Variants in DNAH14 observed in about 807,000 individuals in gnomAD.
DNAH14 encodes the protein axonemal beta dynein heavy chain 14.
Under a neutral mutation model 520.9 loss-of-function variants are expected in DNAH14, and 478 were observed. The observed-to-expected ratio is 0.92, with a 90% CI of 0.85 to 0.99. The LOEUF is 0.99. Among genes scored for constraint, DNAH14 ranks in the 50% least tolerant of loss-of-function variants. The pLI is 0.00. For missense variants in DNAH14, 4,831 were observed against 5,234.5 expected, an observed-to-expected ratio of 0.92 and a Z score of 2.38; for synonymous variants, 1,581 against 1,757.2, an observed-to-expected ratio of 0.90 and a Z score of 2.51.
chr1:225,122,277 T>G (rs2077361561), intron 26 of DNAH14, among the ~76,000 whole-genome samples: 1 of 152,200 alleles, frequency 6.6e-6, no homozygotes, highest in Admixed American at 6.5e-5. Flanking sequence ...TGAGTCCCTC[T>G]TCTAAAAGCA....
chr1:224,982,431 T>C (rs1308478097), intron 8 of DNAH14, among the ~76,000 whole-genome samples: 1 of 152,134 alleles, frequency 6.6e-6, no homozygotes, highest in Non-Finnish European at 1.5e-5. Context: ...GTGCCACGTG[T>C]GAGGAAAAAT....
intron 36 of DNAH14, among the ~76,000 whole-genome samples, chr1:225,183,601 A>G (rs1440882466): frequency 1.3e-5 from 2 of 152,104 alleles, no homozygotes; most frequent in African/African-American, 2.4e-5. Flanking sequence ...TTGAGACCCA[A>G]AAATCTATAC....
At chr1:225,385,173 C>T (rs2095825891) in intron 81 of DNAH14, among the ~76,000 whole-genome samples, 1 of 152,152 alleles carries the variant, frequency 6.6e-6, no homozygotes, top group Non-Finnish European at 1.5e-5. Flanking sequence ...CGACAAAATT[C>T]AACAACCCTT....
intron 66 of DNAH14, among the ~76,000 whole-genome samples, chr1:225,335,878 C>CATGTATGT (rs1558438386): frequency 7.3e-5 from 2 of 27,344 alleles, no homozygotes; most frequent in Admixed American, 3.9e-4. Flanking sequence ...TACACATATA[C>CATGTATGT]ATATATGTAC....
At chr1:225,227,221 A>G (rs192410573) in intron 41 of DNAH14, among the ~76,000 whole-genome samples, 26 of 152,232 alleles carry the variant, frequency 1.7e-4, no homozygotes, top group African/African-American at 6.0e-4. Flanking sequence ...ATGAGGCCAT[A>G]TCTCAGGCTG....
At position 225,031,552 on chromosome 1, in the gene DNAH14, G is replaced by A. The variant is rs186078245; in HGVS notation, c.1359-7142G>A. Among the ~76,000 whole-genome samples, 182 of 151,898 alleles carry A rather than the reference G, an allele frequency of 1.2e-3. 2 individuals carry two copies. Among genetic ancestry groups the A allele is most frequent in the Middle Eastern group, 6.8e-3 (2 of 294 alleles). On this transcript the variant is annotated intron_variant, in intron 11 of 85. Coordinates refer to ENST00000682510, the MANE Select transcript of DNAH14 (RefSeq NM_001367479.1). ...GAGTAACCACTAAAAGATAGTGATA[G>A]GATGTCTAAAAAGCTAAAAGAAGGA...
rs150373970 is a variant in DNAH14 at position 225,012,436 on chromosome 1, G to A, written c.1107+4892G>A. ...TCTGATGATTATATGTCTTGGGGTT[G>A]CTCTTCTCGAGGAGTATCTCTGTGG... On this transcript the variant is annotated intron_variant, in intron 10 of 85. Coordinates refer to ENST00000682510, the MANE Select transcript of DNAH14 (RefSeq NM_001367479.1). 8.2e-3 allele frequency among the ~76,000 whole-genome samples: 1,245 copies of A among 151,886 alleles called. 8 individuals carry two copies. Among genetic ancestry groups the A allele is most frequent in the South Asian group, 0.028 (134 of 4,782 alleles).
At chr1:225,364,136 G>T (rs2095525390) in intron 75 of DNAH14, among the ~76,000 whole-genome samples, 1 of 152,118 alleles carries the variant, frequency 6.6e-6, no homozygotes, top group African/African-American at 2.4e-5. Context: ...ATATCAAGAG[G>T]CCTGTGATAT....
chr1:225,087,035 C>CAG (rs1553437792), intron 21 of DNAH14, among the ~76,000 whole-genome samples: 36 of 150,328 alleles, frequency 2.4e-4, no homozygotes, highest in African/African-American at 6.6e-4. Context: ...CACACACACA[C>CAG]AGCCTTCTAC....
intron 77 of DNAH14, among the ~76,000 whole-genome samples, chr1:225,369,209 AAAT>A (rs1446525887): frequency 6.6e-6 from 1 of 152,168 alleles, no homozygotes; most frequent in African/African-American, 2.4e-5. Flanking sequence ...AAAGCAAAAT[AAAT>A]AATAACGTAA....
chr1:225,271,272 G>A (rs768574505), intron 50 of DNAH14, among the ~76,000 whole-genome samples: 4 of 152,078 alleles, frequency 2.6e-5, no homozygotes, highest in Non-Finnish European at 4.4e-5. Context: ...TGGCATACAG[G>A]TAGACTTTCT....
chr1:225,303,211 T>A lies in DNAH14; in HGVS notation c.8687T>A (p.Phe2896Tyr). Residue 2896 changes from phenylalanine to tyrosine, a missense_variant, in exon 57 of 86, where the codon TTC becomes TAC. Transcript: ENST00000682510. ...FVIMSPEGPS[F>Y]RQNCRVYPSM... ...ATCATGAGTCCTGAAGGACCTAGCT[T>A]CCGCCAAAATTGTAGAGTGTATCCT... The A allele has an allele frequency of 1.3e-6, 2 of 1,542,048 alleles. No individual in the cohort carries two copies. The highest frequency in any genetic ancestry group is 1.7e-6 in the Non-Finnish European group (2 of 1,143,512).
At chr1:225,246,360 A>G (rs1461661735) in intron 43 of DNAH14, among the ~76,000 whole-genome samples, 1 of 152,204 alleles carries the variant, frequency 6.6e-6, no homozygotes, top group Non-Finnish European at 1.5e-5. Context: ...AGTTGCAACA[A>G]AAGCCAAATT....
chr1:225,278,131 C>T (rs2093536672), intron 54 of DNAH14, among the ~76,000 whole-genome samples: 1 of 139,048 alleles, frequency 7.2e-6, no homozygotes, highest in African/African-American at 3.4e-5. Flanking sequence ...AAATAAAACA[C>T]AAGTTTTATT....
At chr1:225,290,542 A>G (rs1054749515) in intron 55 of DNAH14, among the ~76,000 whole-genome samples, 4 of 147,554 alleles carry the variant, frequency 2.7e-5, no homozygotes, top group Non-Finnish European at 4.5e-5. Context: ...CTCTATTTTC[A>G]CTGTCAGATG....
In DNAH14 at chr1:225,272,088, T is replaced by C; in HGVS notation, c.7839+15T>C. On this transcript the variant is annotated intron_variant, in intron 51 of 85. Coordinates refer to ENST00000682510, the MANE Select transcript of DNAH14 (RefSeq NM_001367479.1). Reference sequence around the variant, plus strand: ...ATATGTTTAAGGTTTGTTTTAATGTTCATTCTCTAGTTTATTTTTTAAATA... The same window carrying C: ...ATATGTTTAAGGTTTGTTTTAATGTCCATTCTCTAGTTTATTTTTTAAATA... 2 of 1,539,092 alleles carry C rather than the reference T, an allele frequency of 1.3e-6. No individual in the cohort carries two copies. Among genetic ancestry groups the C allele is most frequent in the Non-Finnish European group, 1.8e-6 (2 of 1,140,916 alleles).
rs2094742276 is a variant in DNAH14, at chr1:225,329,202, T to G, written c.9724-2235T>G. 5.3e-5 allele frequency among the ~76,000 whole-genome samples: 8 copies of G among 151,500 alleles called. No homozygotes were observed. The South Asian group carries it at 1.7e-3, about 32-fold the overall frequency. On this transcript the variant is annotated intron_variant, in intron 64 of 85. Coordinates refer to ENST00000682510, the MANE Select transcript of DNAH14 (RefSeq NM_001367479.1). ...AACATCAGTGTAGATTTGACAAGGC[T>G]GAGACTTCATGACAGCTGGAAGTTG...
In DNAH14 at chr1:225,079,213, G is replaced by A; in HGVS notation, c.2431G>A (p.Glu811Lys). The change falls in exon 18 of 86, where the codon GAA becomes AAA. Residue 811 changes from glutamate to lysine, a missense_variant. Physicochemically the swap from Glu to Lys is moderately conservative, Grantham distance 56. Transcript: ENST00000682510. ...KKNKNLLEVV[E>K]SSLQQLECDP... Reference sequence around the variant, plus strand: ...ATTGACATGTTGATTTCAGGTTGTGGAATCATCATTGCAGCAGCTGGAATG... The same window carrying A: ...ATTGACATGTTGATTTCAGGTTGTGAAATCATCATTGCAGCAGCTGGAATG... 6.5e-7 allele frequency: 1 copy of A among 1,539,550 alleles called. No individual in the cohort carries two copies. The highest frequency in any genetic ancestry group is 1.4e-5 in the African/African-American group (1 of 72,276).
chr1:224,988,018 G>T (rs561109319), intron 8 of DNAH14, among the ~76,000 whole-genome samples: 1 of 152,182 alleles, frequency 6.6e-6, no homozygotes, highest in Non-Finnish European at 1.5e-5. Flanking sequence ...ATTAAGCCCA[G>T]CATGCATTAG....
Sources: gnomAD v4.1 joint callset for allele counts (sites outside exome capture counted in the v4.1 genomes callset) on GRCh38, gnomAD v4.1.1 for gene constraint, MANE v1.5 for transcripts, NCBI Gene and HGNC (gene_info 2026-07-23, HGNC 2026-07-21) for gene names.